The following GABRQ variants were observed in gnomAD, a reference collection of about 807,000 sequenced individuals.
GABRQ encodes the protein gamma-aminobutyric acid receptor subunit theta.
Under a neutral mutation model 30.5 loss-of-function variants are expected in GABRQ, and 19 were observed. The observed-to-expected ratio is 0.62, with a 90% confidence interval of 0.43 to 0.91. The LOEUF (loss-of-function observed/expected upper bound fraction) is 0.91. GABRQ is among the 40% of genes least tolerant of loss of function. The pLI, the probability that GABRQ is intolerant of heterozygous loss-of-function variation, is 0.00. For missense variants in GABRQ, 520 were observed against 521.4 expected, an observed-to-expected ratio of 1.00 and a Z score of 0.03; for synonymous variants, 187 against 210.2, an observed-to-expected ratio of 0.89 and a Z score of 0.95.
rs782215572 is a variant in GABRQ at position 152,638,596 on chromosome X, T to C, written c.149+245T>C. Among the ~76,000 whole-genome samples the C allele has an allele frequency of 2.7e-5, 3 of 111,969 alleles. No individual in the cohort carries two copies. The South Asian group carries it at 1.1e-3, about 42-fold the overall frequency. ...GTTACTGCGGAGCTTGACTGAGCCCTGCGTGTGCCTAAACCGCAGCCCGAG... is the reference window on the plus strand; with the variant it reads ...GTTACTGCGGAGCTTGACTGAGCCCCGCGTGTGCCTAAACCGCAGCCCGAG... On this transcript the variant is annotated intron_variant, in intron 1 of 8. Coordinates refer to ENST00000598523, the MANE Select transcript of GABRQ (RefSeq NM_018558.4).
At chrX:152,658,631 G>T (rs1410366991), downstream of GABRQ, among the ~76,000 whole-genome samples, 1 of 112,088 alleles carries the variant, frequency 8.9e-6, no homozygotes, top group Non-Finnish European at 1.9e-5. Context: ...AGCAGCCCCA[G>T]GGGAAGCATG....
intron 7 of GABRQ, among the ~76,000 whole-genome samples, chrX:152,650,786 A>C (rs1353231602): frequency 9.0e-6 from 1 of 111,690 alleles, no homozygotes; most frequent in Non-Finnish European, 1.9e-5. Context: ...ATGTGAAAAA[A>C]AATCAAGGTT....
At chrX:152,640,339 C>A (rs1556818180) in intron 1 of GABRQ, 39 bp from the exon 2 acceptor site, 2 of 938,924 alleles carry the variant, frequency 2.1e-6, no homozygotes, top group Non-Finnish European at 3.1e-6. Context: ...AAGCGGGCCC[C>A]AAGTCAACCG....
chrX:152,658,718 GAC>G (rs1931194351), downstream of GABRQ, among the ~76,000 whole-genome samples: 1 of 111,870 alleles, frequency 8.9e-6, no homozygotes, highest in African/African-American at 3.3e-5. Flanking sequence ...AGAGCTGAAA[GAC>G]ACACAACTCC....
intron 1 of GABRQ, among the ~76,000 whole-genome samples, chrX:152,639,375 T>TGCGC (rs200939000): frequency 1.0e-5 from 1 of 98,059 alleles, no homozygotes; most frequent in Admixed American, 1.0e-4. Flanking sequence ...CACATGCGCG[T>TGCGC]GCGCACACAC....
Position 152,651,614 on chromosome X carries a change from C to T in GABRQ, c.990C>T (p.Ile330=). ...PNISCIKAID[I]YILVCLFFVF... Reference sequence around the variant, plus strand: ...TTTCCTGTATCAAGGCCATTGATATCTATATCCTCGTGTGCTTGTTCTTTG... The same window carrying T: ...TTTCCTGTATCAAGGCCATTGATATTTATATCCTCGTGTGCTTGTTCTTTG... Residue 330 remains isoleucine, a synonymous_variant, in exon 8 of 9, where the codon ATC becomes ATT. Transcript: ENST00000598523. 1 of 1,206,615 alleles carries T rather than the reference C, an allele frequency of 8.3e-7. No homozygotes were observed. The highest frequency in any genetic ancestry group is 2.3e-4 in the Middle Eastern group (1 of 4,340).
intron 4 of GABRQ, among the ~76,000 whole-genome samples, chrX:152,647,723 C>T (rs1041182399): frequency 2.7e-5 from 3 of 111,045 alleles, no homozygotes; most frequent in Non-Finnish European, 5.7e-5. Context: ...GTCTATGGCT[C>T]TCCACACACA....
rs1931115649 is a variant in GABRQ, at chrX:152,654,768, A to G, written c.*1487A>G. On this transcript the variant is annotated 3_prime_UTR_variant, in exon 9 of 9. Transcript: ENST00000598523. The stretch of plus-strand genomic sequence containing the variant: ...GAGTGAACTTTGCCGAGCACTCAAC[A>G]TATGCCACCTCTTCCTCCCTATGCA... 8.9e-6 allele frequency: 1 copy of G among 112,015 alleles called. No individual in the cohort carries two copies. The highest frequency in any genetic ancestry group is 3.7e-4 in the South Asian group (1 of 2,676). The allele number at this position is 112,015 out of a possible 1,213,427, so 9.2% of individuals were successfully genotyped here.
intron 2 of GABRQ, among the ~76,000 whole-genome samples, chrX:152,641,874 G>A (rs923499183): frequency 5.4e-5 from 6 of 111,901 alleles, no homozygotes; most frequent in African/African-American, 2.0e-4. Context: ...TCGTTTTTTT[G>A]TCTTGCCTTT....
chrX:152,649,926 C>G, intron 6 of GABRQ, 47 bp downstream of exon 6: 1 of 1,045,627 alleles, frequency 9.6e-7, no homozygotes, highest in Admixed American at 2.3e-5. Flanking sequence ...CTGCCTTGCA[C>G]CTCCATAAAC....
intron 5 of GABRQ, among the ~76,000 whole-genome samples, 190 bp downstream of exon 5, chrX:152,649,523 GAGAT>G (rs1364343998): frequency 2.7e-5 from 3 of 111,936 alleles, no homozygotes; most frequent in Non-Finnish European, 3.8e-5. Flanking sequence ...AGATGGTGGA[GAGAT>G]AGATAGGTGA....
intron 6 of GABRQ, 81 bp from the exon 7 acceptor site, chrX:152,650,347 C>A: frequency 1.1e-6 from 1 of 870,917 alleles, no homozygotes; most frequent in Admixed American, 2.6e-5. Flanking sequence ...TTGCTCTCCC[C>A]TCCTTCTCCA....
rs199710373 is a variant in GABRQ at position 152,639,378 on chromosome X, G to GCA, written c.150-975_150-974dup. Among the ~76,000 whole-genome samples, 2,843 of 103,318 alleles carry GCA rather than the reference G, an allele frequency of 0.028. 135 individuals carry two copies. The East Asian group carries it at 0.28, about 10-fold the overall frequency. The allele number at this position is 103,318 out of a possible 115,157, so 89.7% of individuals were successfully genotyped here. A position where few individuals can be genotyped will look rare whatever the true frequency, so the allele number is the denominator to read the frequency against. On this transcript the variant is annotated intron_variant, in intron 1 of 8. Transcript: ENST00000598523. ...ACTGAACATGCACACATGCGCGTGC[G>GCA]CACACACACACACACACACACACAC...
Position 152,653,448 on chromosome X carries a change from A to G in GABRQ, c.*167A>G, listed in dbSNP as rs781808852. The G allele has an allele frequency of 4.6e-6, 2 of 432,322 alleles. No individual in the cohort carries two copies. Among genetic ancestry groups the G allele is most frequent in the South Asian group, 8.2e-5 (2 of 24,249 alleles). 35.6% of individuals were successfully genotyped at this position (432,322 alleles called of 1,213,427 possible). ...CATGAGGTGGGGAGTAATTGGAAAG[A>G]ACATGTTCTAGCTGGAAGGGAAGGG... On this transcript the variant is annotated 3_prime_UTR_variant, in exon 9 of 9. Coordinates refer to ENST00000598523, the MANE Select transcript of GABRQ (RefSeq NM_018558.4).
intron 4 of GABRQ, among the ~76,000 whole-genome samples, chrX:152,648,563 A>T (rs1272053489): frequency 9.1e-6 from 1 of 109,589 alleles, no homozygotes; most frequent in Non-Finnish European, 1.9e-5. Context: ...ACAGGGCTTC[A>T]CTGTGTTAGC....
chrX:152,642,496 T>C (rs1556818554), intron 2 of GABRQ, among the ~76,000 whole-genome samples: 1 of 112,320 alleles, frequency 8.9e-6, no homozygotes, highest in Non-Finnish European at 1.9e-5. Context: ...CAAAGCCAAT[T>C]CCTTCTAGGC....
In GABRQ at chrX:152,654,054, T is replaced by C; in HGVS notation, c.*773T>C. The stretch of plus-strand genomic sequence containing the variant: ...CAGGTTGGAAATTACACAGTTGAGC[T>C]GGCCTCTTCGGAGGGATTGGAACTT... On this transcript the variant is annotated 3_prime_UTR_variant, in exon 9 of 9. Coordinates refer to ENST00000598523, the MANE Select transcript of GABRQ (RefSeq NM_018558.4). 9.0e-6 allele frequency: 1 copy of C among 111,693 alleles called. No homozygotes were observed. Among genetic ancestry groups the C allele is most frequent in the African/African-American group, 3.3e-5 (1 of 30,686 alleles). The allele number at this position is 111,693 out of a possible 1,213,427, so 9.2% of individuals were successfully genotyped here. A position where few individuals can be genotyped will look rare whatever the true frequency, so the allele number is the denominator to read the frequency against.
Position 152,655,468 on chromosome X carries a change from G to A in GABRQ, c.*2187G>A, listed in dbSNP as rs1931131078. 1 of 112,755 alleles carries A rather than the reference G, an allele frequency of 8.9e-6. No homozygotes were observed. Among genetic ancestry groups the A allele is most frequent in the Non-Finnish European group, 1.9e-5 (1 of 53,452 alleles). 9.3% of individuals were successfully genotyped at this position (112,755 alleles called of 1,213,427 possible). ...ACAGAGCATTTCACTTTGTCCTAGAGGAACATGTTTCGGGGTAACAGGCTG... is the reference window on the plus strand; with the variant it reads ...ACAGAGCATTTCACTTTGTCCTAGAAGAACATGTTTCGGGGTAACAGGCTG... On this transcript the variant is annotated 3_prime_UTR_variant, in exon 9 of 9. Coordinates refer to ENST00000598523, the MANE Select transcript of GABRQ (RefSeq NM_018558.4).
chrX:152,638,215 G>A lies in GABRQ; in HGVS notation c.13G>A (p.Gly5Ser), dbSNP rs1930658263. Reference sequence around the variant, plus strand: ...GAACGCCCCGGCCATGGGCATCCGAGGCATGCTGCGAGCCGCAGTGATCCT... The same window carrying A: ...GAACGCCCCGGCCATGGGCATCCGAAGCATGCTGCGAGCCGCAGTGATCCT... MGIR[G>S]MLRAAVILLL... Residue 5 changes from glycine (G) to serine (S), a missense_variant, in exon 1 of 9, where the codon GGC becomes AGC. Gly to Ser is a moderately conservative substitution (Grantham distance 56). Transcript: ENST00000598523. 1 of 1,211,320 alleles carries A rather than the reference G, an allele frequency of 8.3e-7. No individual in the cohort carries two copies. The highest frequency in any genetic ancestry group is 3.0e-5 in the East Asian group (1 of 33,792).
Sources: allele counts gnomAD v4.1 joint callset (sites outside exome capture counted in the v4.1 genomes callset), GRCh38; gene constraint gnomAD v4.1.1; transcripts MANE v1.5; gene names NCBI Gene and HGNC (gene_info 2026-07-23, HGNC 2026-07-21).